Variants in NLGN3 observed in about 807,000 individuals in gnomAD.
NLGN3 encodes the protein neuroligin-3.
In NLGN3, 11 loss-of-function variants were observed where a neutral mutation model predicts 42.9. The ratio of observed to expected loss-of-function variants is 0.26; its 90% CI spans 0.16 to 0.42. The LOEUF is 0.42. Ranked by LOEUF, NLGN3 falls within the 10% of genes least tolerant of loss-of-function variation. The pLI, the probability that NLGN3 is intolerant of heterozygous loss-of-function variation, is 1.00. For synonymous variants in NLGN3, 279 were observed against 312.7 expected (o/e 0.89, Z 1.14); for missense variants, 374 against 733.8 (o/e 0.51, Z 5.67).
intron 1 of NLGN3, among the ~76,000 whole-genome samples, chrX:71,145,687 G>A (rs1238772829): frequency 1.8e-5 from 2 of 108,754 alleles, no homozygotes; most frequent in African/African-American, 6.7e-5. Flanking sequence ...CGGGGGAGGG[G>A]CTGCAGGGAA....
At chrX:71,154,743 G>C (rs758194922) in intron 4 of NLGN3, among the ~76,000 whole-genome samples, 6 of 111,460 alleles carry the variant, frequency 5.4e-5, no homozygotes, top group African/African-American at 2.0e-4. Context: ...GTCTGCACTG[G>C]GGGGCCAGCT....
downstream of NLGN3, among the ~76,000 whole-genome samples, chrX:71,173,424 T>C (rs192685351): frequency 1.8e-5 from 2 of 111,926 alleles, no homozygotes; most frequent in African/African-American, 6.5e-5. Context: ...CCCTGTAGCC[T>C]CAGGTTCTCA....
chrX:71,165,032 C>G lies in NLGN3; in HGVS notation c.913+704C>G, dbSNP rs1025627205. On this transcript the variant is annotated intron_variant, in intron 6 of 7. Transcript: ENST00000358741. ...CTGGGAACATTCTATCTCTGAGAGG[C>G]AAAGCTGAGCTTCTCATGAAGAAAA... is the stretch of plus-strand genomic sequence containing the variant. 7.2e-5 allele frequency among the ~76,000 whole-genome samples: 8 copies of G among 111,859 alleles called. No individual in the cohort carries two copies. In the Admixed American group the frequency reaches 7.6e-4, roughly 11 times the overall value.
Position 71,170,013 on chromosome X carries a change from G to T in NLGN3, c.2463G>T (p.Leu821=), listed in dbSNP as rs2092465498. 1 of 1,206,911 alleles carries T rather than the reference G, an allele frequency of 8.3e-7. No homozygotes were observed. The highest frequency in any genetic ancestry group is 1.1e-6 in the Non-Finnish European group (1 of 894,135). ...ITMIPNSLVG[L]QTLHPYNTFA... is the part of the protein sequence containing the mutation. ...TGATCCCCAACTCCCTGGTAGGGCTGCAGACATTGCACCCCTATAACACCT... is the reference window on the plus strand; with the variant it reads ...TGATCCCCAACTCCCTGGTAGGGCTTCAGACATTGCACCCCTATAACACCT... The change falls in exon 8 of 8, where the codon CTG becomes CTT. Residue 821 remains leucine, a synonymous_variant. Coordinates refer to ENST00000358741, the MANE Select transcript of NLGN3 (RefSeq NM_181303.2).
intron 1 of NLGN3, among the ~76,000 whole-genome samples, chrX:71,147,120 CT>C (rs1183777302): frequency 9.0e-6 from 1 of 111,533 alleles, no homozygotes; most frequent in Non-Finnish European, 1.9e-5. Context: ...CAATCCCACC[CT>C]GTCCTGAAGT....
intron 2 of NLGN3, 90 bp from the exon 3 acceptor site, chrX:71,148,756 C>A: frequency 1.3e-6 from 1 of 773,002 alleles, no homozygotes; most frequent in South Asian, 3.2e-5. Context: ...GCCTGCAGAG[C>A]AGCTCAGCTC....
At chrX:71,157,818 C>T (rs1252347609) in intron 5 of NLGN3, among the ~76,000 whole-genome samples, 2 of 110,317 alleles carry the variant, frequency 1.8e-5, no homozygotes, top group Non-Finnish European at 3.8e-5. Context: ...AAAGCAAAGT[C>T]GGTGTCCCCT....
chrX:71,166,024 G>GGAAT (rs1285810486), intron 6 of NLGN3, among the ~76,000 whole-genome samples: 1 of 111,356 alleles, frequency 9.0e-6, no homozygotes, highest in East Asian at 2.8e-4. Flanking sequence ...TTCTCCCTTG[G>GGAAT]GAATGTTGGG....
intron 4 of NLGN3, 75 bp downstream of exon 4, chrX:71,153,611 CGTCT>C (rs746159186): frequency 1.4e-4 from 129 of 913,816 alleles, no homozygotes; most frequent in Non-Finnish European, 1.9e-4. Flanking sequence ...GGAGAAGCCC[CGTCT>C]GTCTGTCTGT....
chrX:71,146,578 A>G (rs1402782375), intron 1 of NLGN3, among the ~76,000 whole-genome samples: 1 of 111,033 alleles, frequency 9.0e-6, no homozygotes, highest in Non-Finnish European at 1.9e-5. Flanking sequence ...GTAAGTCTCT[A>G]TGTGTGTCTC....
chrX:71,165,581 G>A (rs1265239769), intron 6 of NLGN3, among the ~76,000 whole-genome samples: 1 of 110,491 alleles, frequency 9.1e-6, no homozygotes, highest in African/African-American at 3.3e-5. Flanking sequence ...CCCCAGTGCA[G>A]TGGTGTGATC....
chrX:71,147,735 C>A lies in NLGN3; in HGVS notation c.-15C>A. On this transcript the variant is annotated 5_prime_UTR_variant, in exon 2 of 8. Transcript: ENST00000358741. ...CCTGGAGTCTGCCTCTCCTGCCAGT[C>A]CCCCTGCCCGGAACATGTGGCTGCG... 1 of 1,196,813 alleles carries A rather than the reference C, an allele frequency of 8.4e-7. No homozygotes were observed. Among genetic ancestry groups the A allele is most frequent in the Non-Finnish European group, 1.1e-6 (1 of 886,725 alleles).
chrX:71,173,241 A>C (rs1419273365), downstream of NLGN3, among the ~76,000 whole-genome samples: 5 of 111,123 alleles, frequency 4.5e-5, no homozygotes, highest in Non-Finnish European at 9.4e-5. Context: ...GAAGATTTAG[A>C]CACTGCCTCT....
intron 5 of NLGN3, among the ~76,000 whole-genome samples, chrX:71,159,387 C>A (rs1026516299): frequency 9.0e-5 from 10 of 111,643 alleles, no homozygotes; most frequent in African/African-American, 2.6e-4. Flanking sequence ...TTTTACAGAT[C>A]CCCCTTAAGT....
At chrX:71,146,702 G>A (rs2147858132) in intron 1 of NLGN3, among the ~76,000 whole-genome samples, 1 of 111,444 alleles carries the variant, frequency 9.0e-6, no homozygotes, top group East Asian at 2.8e-4. Context: ...AGTGAATATC[G>A]CAGTGTCTGT....
downstream of NLGN3, chrX:71,171,706 C>T (rs1274487848): frequency 8.2e-6 from 6 of 730,078 alleles, no homozygotes; most frequent in Non-Finnish European, 9.7e-6. Flanking sequence ...GAGCAGAGGC[C>T]CTCTCCTTCC....
chrX:71,145,287 C>T (rs1349800723), intron 1 of NLGN3, among the ~76,000 whole-genome samples: 2 of 99,191 alleles, frequency 2.0e-5, no homozygotes, highest in African/African-American at 7.5e-5. Flanking sequence ...CCCCCCTCCC[C>T]TGCAGTGCAG....
chrX:71,148,680 C>T (rs1224283063), intron 2 of NLGN3, among the ~76,000 whole-genome samples, 166 bp from the exon 3 acceptor site: 2 of 105,114 alleles, frequency 1.9e-5, no homozygotes, highest in Admixed American at 1.1e-4. Context: ...CCTCCTCCCG[C>T]GGGGGTCACA....
chrX:71,146,180 C>G (rs1434076152), intron 1 of NLGN3, among the ~76,000 whole-genome samples: 2,457 of 71,874 alleles, frequency 0.034, 86 homozygotes, highest in African/African-American at 0.091. Context: ...CAGACACACA[C>G]ACACACACAC....
Sources: allele counts gnomAD v4.1 joint callset (sites outside exome capture counted in the v4.1 genomes callset), GRCh38; gene constraint gnomAD v4.1.1; transcripts MANE v1.5; gene names NCBI Gene and HGNC (gene_info 2026-07-23, HGNC 2026-07-21).